The following PRR14L variants were observed in gnomAD, a reference collection of about 807,000 sequenced individuals.
PRR14L encodes proline rich 14 like.
In PRR14L, 80 loss-of-function variants were observed where a neutral mutation model predicts 155.0. The ratio of observed to expected loss-of-function variants is 0.52; its 90% CI spans 0.43 to 0.62. PRR14L has a LOEUF of 0.62. PRR14L is among the 20% of genes least tolerant of loss of function. The pLI is 0.00. For missense variants in PRR14L, 2,469 were observed against 2,548.0 expected (o/e 0.97, Z 0.67); for synonymous variants, 883 against 916.0 (o/e 0.96, Z 0.65).
intron 1 of PRR14L, among the ~76,000 whole-genome samples, chr22:31,746,284 G>C (rs1569501488): frequency 1.3e-5 from 2 of 152,138 alleles, no homozygotes; most frequent in Non-Finnish European, 2.9e-5. Flanking sequence ...TATTTCTCAA[G>C]ATCTAAACAC....
At chr22:31,731,000 C>T (rs1272626668) in intron 2 of PRR14L, among the ~76,000 whole-genome samples, 1 of 152,176 alleles carries the variant, frequency 6.6e-6, no homozygotes, top group East Asian at 1.9e-4. Context: ...TACTTGGCCA[C>T]TGGGAGCCCC....
intron 5 of PRR14L, 94 bp from the exon 6 acceptor site, chr22:31,703,815 GAGA>G (rs1487246197): frequency 2.9e-5 from 17 of 591,196 alleles, no homozygotes; most frequent in African/African-American, 2.0e-4. Context: ...TTTTTTTTTT[GAGA>G]AGGAGTTTTG....
At position 31,703,586 on chromosome 22, in the gene PRR14L, G is replaced by C; in HGVS notation, c.5964C>G (p.Cys1988Trp). The C allele has an allele frequency of 6.2e-7, 1 of 1,613,828 alleles. No individual in the cohort carries two copies. The highest frequency in any genetic ancestry group is 8.5e-7 in the Non-Finnish European group (1 of 1,179,882). The change falls in exon 6 of 9, where the codon TGC becomes TGG. Residue 1988 changes from cysteine to tryptophan, a missense_variant. This residue lies in a region of PRR14L where 2,363 missense variants were observed against 2,371.6 expected (regional missense o/e 1.00). Transcript: ENST00000327423. ...LDELDGVKAA[C>W]PCPQSSPPEQ... is the part of the protein sequence containing the mutation. Reference sequence around the variant, plus strand: ...CTGGGGGGCTGCTCTGTGGGCAGGGGCATGCTGCTTTCACACCATCCAGCT... The same window carrying C: ...CTGGGGGGCTGCTCTGTGGGCAGGGCCATGCTGCTTTCACACCATCCAGCT...
At chr22:31,689,344 A>G (rs1278669182) in intron 7 of PRR14L, among the ~76,000 whole-genome samples, 1 of 151,896 alleles carries the variant, frequency 6.6e-6, no homozygotes, top group Non-Finnish European at 1.5e-5. Flanking sequence ...TAAAGAAAAA[A>G]CTGGCCCTGA....
intron 1 of PRR14L, among the ~76,000 whole-genome samples, chr22:31,741,058 C>A (rs1247944094): frequency 2.0e-5 from 3 of 151,774 alleles, no homozygotes; most frequent in Middle Eastern, 3.2e-3. Context: ...TCAAGACCAT[C>A]CTGGCTAACA....
intron 7 of PRR14L, among the ~76,000 whole-genome samples, chr22:31,697,710 AC>A (rs1348862776): frequency 1.3e-5 from 2 of 152,066 alleles, no homozygotes; most frequent in African/African-American, 2.4e-5. Flanking sequence ...TACTAGAAAT[AC>A]AAAAATTAGC....
At chr22:31,733,304 T>TTTTTTTTTTTC (rs2074760469) in intron 2 of PRR14L, among the ~76,000 whole-genome samples, 1 of 138,450 alleles carries the variant, frequency 7.2e-6, no homozygotes. Context: ...CACTGTTTTT[T>TTTTTTTTTTTC]TTTTTTTTTT....
intron 7 of PRR14L, among the ~76,000 whole-genome samples, chr22:31,701,279 CA>C (rs1461414888): frequency 6.6e-6 from 1 of 152,132 alleles, no homozygotes; most frequent in Non-Finnish European, 1.5e-5. Context: ...TGAGCCACTG[CA>C]CCCGGCTTGG....
At chr22:31,738,012 TAAA>T (rs34019627) in intron 2 of PRR14L, among the ~76,000 whole-genome samples, 3 of 136,450 alleles carry the variant, frequency 2.2e-5, no homozygotes, top group Non-Finnish European at 3.2e-5. Context: ...GAGACCTTCT[TAAA>T]AAAAAAAAAA....
intron 2 of PRR14L, among the ~76,000 whole-genome samples, chr22:31,735,563 T>C (rs2074775426): frequency 6.6e-6 from 1 of 151,830 alleles, no homozygotes; most frequent in Non-Finnish European, 1.5e-5. Flanking sequence ...CATTATACTT[T>C]ATGTGTATTA....
At chr22:31,744,980 A>T (rs1277745155) in intron 1 of PRR14L, among the ~76,000 whole-genome samples, 2 of 152,170 alleles carry the variant, frequency 1.3e-5, no homozygotes, top group Non-Finnish European at 2.9e-5. Context: ...TTTCTCCTGG[A>T]CTAATTCTGG....
At position 31,712,497 on chromosome 22, in the gene PRR14L, T is replaced by C; in HGVS notation, c.5342A>G (p.Asp1781Gly). The C allele has an allele frequency of 6.4e-7, 1 of 1,552,116 alleles. No homozygotes were observed. Among genetic ancestry groups the C allele is most frequent in the Non-Finnish European group, 8.7e-7 (1 of 1,147,126 alleles). Residue 1781 changes from aspartate to glycine, a missense_variant, in exon 4 of 9, where the codon GAC (aspartate) becomes GGC (glycine). This residue lies in a region of PRR14L where 2,363 missense variants were observed against 2,371.6 expected (regional missense o/e 1.00). Coordinates refer to ENST00000327423, the MANE Select transcript of PRR14L (RefSeq NM_173566.3). ...GTGGGTCTGACTATGGACGCCAGTG[T>C]CTTCCCTGAATGTTGCCATCCCAGG... ...GCPGMATFRE[D>G]TGVHSQTHTQ...
intron 5 of PRR14L, among the ~76,000 whole-genome samples, chr22:31,704,076 T>A (rs1018220708): frequency 1.3e-5 from 2 of 151,838 alleles, no homozygotes; most frequent in African/African-American, 2.4e-5. Context: ...GGATTACAGG[T>A]GTGAGCCACC....
At chr22:31,743,719 T>C (rs1291878090) in intron 1 of PRR14L, among the ~76,000 whole-genome samples, 1 of 151,526 alleles carries the variant, frequency 6.6e-6, no homozygotes, top group Non-Finnish European at 1.5e-5. Flanking sequence ...GGAGAATCGC[T>C]TGAACCTGGA....
At chr22:31,725,717 G>T in intron 2 of PRR14L, 107 bp from the exon 3 acceptor site, 1 of 708,830 alleles carries the variant, frequency 1.4e-6, no homozygotes. Flanking sequence ...TTCCCAGACT[G>T]AAGTGCAATG....
chr22:31,685,871 G>A, intron 8 of PRR14L, 68 bp from the exon 9 acceptor site: 2 of 1,426,554 alleles, frequency 1.4e-6, no homozygotes, highest in Non-Finnish European at 1.9e-6. Context: ...AACAGGGTCA[G>A]GATGTTGACG....
Position 31,715,429 on chromosome 22 carries a change from A to C in PRR14L, c.2410T>G (p.Ser804Ala), listed in dbSNP as rs535991906. The change falls in exon 4 of 9, where the codon TCT becomes GCT. Residue 804 changes from serine (S) to alanine (A), a missense_variant. By Grantham distance (99) the Ser-to-Ala change is moderately conservative (BLOSUM62 1). Coordinates refer to ENST00000327423, the MANE Select transcript of PRR14L (RefSeq NM_173566.3). ...ATTTTGCTGGACTTGAAAGCAGCAG[A>C]AGCAGAACACATGTTTTCCTGGGAT... is the stretch of plus-strand genomic sequence containing the variant. ...NVSQENMCSA[S>A]AAFKSSKISL... 1.3e-6 allele frequency: 2 copies of C among 1,552,384 alleles called. No homozygotes were observed. The highest frequency in any genetic ancestry group is 2.7e-5 in the African/African-American group (2 of 73,186).
At chr22:31,730,886 G>A (rs1251172139) in intron 2 of PRR14L, among the ~76,000 whole-genome samples, 1 of 152,054 alleles carries the variant, frequency 6.6e-6, no homozygotes, top group African/African-American at 2.4e-5. Flanking sequence ...GTCAGCAAAC[G>A]GGCTCATGGG....
At chr22:31,726,644 T>C (rs1479664400) in intron 2 of PRR14L, among the ~76,000 whole-genome samples, 4 of 152,202 alleles carry the variant, frequency 2.6e-5, no homozygotes, top group Non-Finnish European at 5.9e-5. Flanking sequence ...GTTCTCAGGC[T>C]GAATGTTTGA....
Sources: gnomAD v4.1 joint callset for allele counts (sites outside exome capture counted in the v4.1 genomes callset) on GRCh38, gnomAD v4.1.1 for gene constraint, gnomAD v4.1.1 regional missense constraint, MANE v1.5 for transcripts, NCBI Gene and HGNC (gene_info 2026-07-23, HGNC 2026-07-21) for gene names.